KCNN2: variants seen among roughly 807,000 people sequenced by gnomAD.
KCNN2 encodes small conductance calcium-activated potassium channel protein 2.
KCNN2 carries 24 observed loss-of-function variants against 55.5 expected under a neutral mutation model. The ratio of observed to expected loss-of-function variants is 0.43; its 90% CI spans 0.31 to 0.61. The LOEUF is 0.61. Ranked by LOEUF, KCNN2 falls within the 20% of genes least tolerant of loss-of-function variation. The pLI, the probability that KCNN2 is intolerant of heterozygous loss-of-function variation, is 0.08. For missense variants in KCNN2, 754 were observed against 853.6 expected, an observed-to-expected ratio of 0.88 and a Z score of 1.45; for synonymous variants, 431 against 336.1, an observed-to-expected ratio of 1.28 and a Z score of -3.09.
At chr5:114,091,248 T>G (rs1751138198) in intron 1 of KCNN2, among the ~76,000 whole-genome samples, 1 of 152,134 alleles carries the variant, frequency 6.6e-6, no homozygotes, top group African/African-American at 2.4e-5. Context: ...TCCACTTCAG[T>G]GGCTGGTTGA....
chr5:114,361,302 G>A (rs1330077819), upstream of KCNN2, among the ~76,000 whole-genome samples: 1 of 150,824 alleles, frequency 6.6e-6, no homozygotes, highest in East Asian at 2.0e-4. Flanking sequence ...AACCCTACCC[G>A]CGCCGCAGCG....
At chr5:114,070,623 CAG>C (rs1158594372) in intron 1 of KCNN2, among the ~76,000 whole-genome samples, 1 of 152,154 alleles carries the variant, frequency 6.6e-6, no homozygotes, top group Non-Finnish European at 1.5e-5. Context: ...CCAGTGCCCT[CAG>C]TGATTATCAG....
intron 2 of KCNN2, among the ~76,000 whole-genome samples, chr5:114,260,735 C>T (rs1755090566): frequency 6.6e-6 from 1 of 152,100 alleles, no homozygotes; most frequent in Admixed American, 6.5e-5. Flanking sequence ...CTTTGTATTC[C>T]TTGTCTGGTT....
intron 2 of KCNN2, among the ~76,000 whole-genome samples, chr5:114,331,109 T>C (rs36956): frequency 0.5 from 75,598 of 151,972 alleles, 19,348 homozygotes; most frequent in East Asian, 0.86. Context: ...TCTGTTGCGA[T>C]GGTTGAGGGA....
chr5:114,414,453 T>A (rs936452334), intron 3 of KCNN2, among the ~76,000 whole-genome samples: 1 of 152,152 alleles, frequency 6.6e-6, no homozygotes, highest in Non-Finnish European at 1.5e-5. Context: ...GAACTGTTTC[T>A]CCGCTGCTTG....
At chr5:114,113,630 A>G (rs1288068926) in intron 1 of KCNN2, among the ~76,000 whole-genome samples, 1 of 152,146 alleles carries the variant, frequency 6.6e-6, no homozygotes, top group Non-Finnish European at 1.5e-5. Context: ...CATTTTTAAC[A>G]AAGAGTGATA....
intron 5 of KCNN2, among the ~76,000 whole-genome samples, chr5:114,485,266 C>G (rs1321748287): frequency 6.6e-6 from 1 of 152,116 alleles, no homozygotes; most frequent in Non-Finnish European, 1.5e-5. Context: ...ATGCCTTCGA[C>G]TGGTAAAATC....
intron 3 of KCNN2, among the ~76,000 whole-genome samples, chr5:114,451,155 A>C (rs1230135107): frequency 6.6e-6 from 1 of 152,194 alleles, no homozygotes; most frequent in East Asian, 1.9e-4. Context: ...ATGCATAGTG[A>C]ATAATAGAGT....
intron 2 of KCNN2, among the ~76,000 whole-genome samples, chr5:114,299,493 T>C (rs1756106957): frequency 6.6e-6 from 1 of 152,140 alleles, no homozygotes; most frequent in Non-Finnish European, 1.5e-5. Flanking sequence ...ATTCTCAGAG[T>C]TCTCTTTTTC....
chr5:114,175,284 A>AG (rs1472009995), intron 1 of KCNN2, among the ~76,000 whole-genome samples: 1 of 152,188 alleles, frequency 6.6e-6, no homozygotes, highest in Non-Finnish European at 1.5e-5. Flanking sequence ...TTTCTTACTA[A>AG]GGATTGGCAT....
intron 2 of KCNN2, among the ~76,000 whole-genome samples, chr5:114,373,658 A>ATATATATATATAT (rs1554084191): frequency 8.9e-4 from 93 of 104,356 alleles, no homozygotes; most frequent in East Asian, 3.1e-3. Context: ...ATATATATAT[A>ATATATATATATAT]AAATTACTTG....
At chr5:114,098,928 C>G (rs1023387822) in intron 1 of KCNN2, among the ~76,000 whole-genome samples, 2 of 152,050 alleles carry the variant, frequency 1.3e-5, no homozygotes, top group Admixed American at 6.6e-5. Context: ...GACTGGGAAC[C>G]AAGTACTCCA....
chr5:114,378,253 CAG>C (rs1758001958), intron 2 of KCNN2, among the ~76,000 whole-genome samples: 1 of 152,172 alleles, frequency 6.6e-6, no homozygotes, highest in African/African-American at 2.4e-5. Flanking sequence ...GCTACGATGG[CAG>C]AGTTGAGTAG....
intron 4 of KCNN2, among the ~76,000 whole-genome samples, chr5:114,468,185 T>C (rs542767380): frequency 6.6e-6 from 1 of 152,038 alleles, no homozygotes; most frequent in East Asian, 1.9e-4. Context: ...CAAAACTTCC[T>C]TGAAACTTAT....
intron 2 of KCNN2, among the ~76,000 whole-genome samples, chr5:114,374,241 A>C (rs1389260678): frequency 1.3e-5 from 2 of 152,244 alleles, no homozygotes. Flanking sequence ...GGTGACTTAA[A>C]AGAGTTAAGT....
At chr5:114,403,857 A>G (rs1273211269) in intron 2 of KCNN2, among the ~76,000 whole-genome samples, 1 of 152,248 alleles carries the variant, frequency 6.6e-6, no homozygotes, top group African/African-American at 2.4e-5. Context: ...ATGGACGAAT[A>G]GAAGAAAAGA....
At chr5:114,320,613 CAA>C (rs1226435096) in intron 2 of KCNN2, among the ~76,000 whole-genome samples, 26 of 117,840 alleles carry the variant, frequency 2.2e-4, no homozygotes, top group East Asian at 2.5e-4. Flanking sequence ...GACTCTGTCT[CAA>C]AAAAAAAAAA....
chr5:114,125,196 C>G (rs1186543342), intron 1 of KCNN2, among the ~76,000 whole-genome samples: 1 of 152,074 alleles, frequency 6.6e-6, no homozygotes, highest in East Asian at 1.9e-4. Context: ...TTTTTGTACC[C>G]TCATGGTAGG....
chr5:114,073,001 G>A (rs1239346995), intron 1 of KCNN2, among the ~76,000 whole-genome samples: 1 of 152,120 alleles, frequency 6.6e-6, no homozygotes, highest in East Asian at 1.9e-4. Context: ...ATTACTCTAA[G>A]TGATTTTTCT....
Sources: gnomAD v4.1 joint callset for allele counts (sites outside exome capture counted in the v4.1 genomes callset) on GRCh38, gnomAD v4.1.1 for gene constraint, MANE v1.5 for transcripts, NCBI Gene and HGNC (gene_info 2026-07-23, HGNC 2026-07-21) for gene names.